The following TENM2 variants were observed in gnomAD, a reference collection of about 807,000 sequenced individuals.
TENM2 encodes teneurin transmembrane protein 2, also known as teneurin-2.
TENM2 carries 52 observed loss-of-function variants against 245.2 expected under a neutral mutation model. The ratio of observed to expected loss-of-function variants is 0.21; its 90% CI spans 0.17 to 0.27. TENM2 has a LOEUF of 0.27. Among genes scored for constraint, TENM2 ranks in the 10% least tolerant of loss-of-function variants. TENM2 has a pLI of 1.00. For synonymous variants in TENM2, 1,363 were observed against 1,438.9 expected (o/e 0.95, Z 1.19); for missense variants, 3,046 against 3,666.8 (o/e 0.83, Z 4.37).
At chr5:167,608,340 A>C (rs754571560) in intron 2 of TENM2, among the ~76,000 whole-genome samples, 5 of 152,174 alleles carry the variant, frequency 3.3e-5, no homozygotes, top group Non-Finnish European at 5.9e-5. Context: ...TGTCTCCCAA[A>C]CTTTGAGATG....
chr5:167,853,332 T>C (rs115849685), intron 2 of TENM2, among the ~76,000 whole-genome samples: 10,849 of 138,196 alleles, frequency 0.079, 541 homozygotes, highest in African/African-American at 0.13. Flanking sequence ...CGGGCTCTAT[T>C]TGAGAATGTT....
chr5:167,720,215 T>A lies in TENM2; in HGVS notation c.503-155771T>A, dbSNP rs866677531. Among the ~76,000 whole-genome samples, 62 of 152,200 alleles carry A rather than the reference T, an allele frequency of 4.1e-4. 1 individual carries two copies. Among genetic ancestry groups the A allele is most frequent in the African/African-American group, 1.4e-3 (59 of 41,442 alleles). On this transcript the variant is annotated intron_variant, in intron 2 of 28. Coordinates refer to ENST00000518659, the Ensembl canonical transcript of TENM2. ...GTATTTCATATTAATTAGTTTTTGA[T>A]AGAATATTACTAATTACCTACTTGA...
In TENM2 at chr5:167,955,347, C is replaced by T. The variant is rs149346962; in HGVS notation, c.947+2525C>T. On this transcript the variant is annotated intron_variant, in intron 4 of 28. Coordinates refer to ENST00000518659, the Ensembl canonical transcript of TENM2. The stretch of plus-strand genomic sequence containing the variant: ...TTTTCTTGTAAATTTGTTTAAGTTC[C>T]TTGTGGATTCTAGATATTAGCCCTT... Among the ~76,000 whole-genome samples, 1,447 of 151,664 alleles carry T rather than the reference C, an allele frequency of 9.5e-3. 26 individuals carry two copies. Among genetic ancestry groups the T allele is most frequent in the African/African-American group, 0.033 (1,370 of 41,198 alleles).
At chr5:168,159,714 A>C (rs1460074300) in intron 12 of TENM2, among the ~76,000 whole-genome samples, 1 of 152,224 alleles carries the variant, frequency 6.6e-6, no homozygotes, top group African/African-American at 2.4e-5. Flanking sequence ...AGCTGCCCTG[A>C]AACTTCTCAG....
At chr5:167,871,844 C>A (rs1263583720) in intron 2 of TENM2, among the ~76,000 whole-genome samples, 1 of 152,098 alleles carries the variant, frequency 6.6e-6, no homozygotes, top group African/African-American at 2.4e-5. Context: ...TGTAAGAAAT[C>A]AAAATTTATA....
intron 1 of TENM2, among the ~76,000 whole-genome samples, chr5:167,310,141 G>A (rs1470382924): frequency 6.6e-6 from 1 of 152,252 alleles, no homozygotes; most frequent in Non-Finnish European, 1.5e-5. Context: ...CTGATGAGAT[G>A]TGAGCACTGA....
intron 2 of TENM2, among the ~76,000 whole-genome samples, chr5:167,802,702 G>A (rs1765871250): frequency 6.6e-6 from 1 of 152,110 alleles, no homozygotes; most frequent in Admixed American, 6.5e-5. Flanking sequence ...TTTCTTTGCA[G>A]CTTCTACTAG....
intron 2 of TENM2, among the ~76,000 whole-genome samples, chr5:167,590,894 C>T (rs1273990775): frequency 6.6e-6 from 1 of 152,094 alleles, no homozygotes; most frequent in Non-Finnish European, 1.5e-5. Context: ...GAAATTTCTC[C>T]CACATCTACT....
intron 15 of TENM2, among the ~76,000 whole-genome samples, chr5:168,195,964 AAAG>A (rs1343812269): frequency 2.6e-5 from 4 of 152,278 alleles, no homozygotes; most frequent in East Asian, 1.9e-4. Flanking sequence ...GTAGAAATTT[AAAG>A]AAGAAGAAAA....
At chr5:168,170,934 C>G (rs771724427) in intron 13 of TENM2, among the ~76,000 whole-genome samples, 60 of 152,280 alleles carry the variant, frequency 3.9e-4, no homozygotes, top group Non-Finnish European at 6.5e-4. Flanking sequence ...CTCTGTATAT[C>G]CCCTGCCTTG....
At chr5:167,294,259 T>C (rs950599607) in intron 1 of TENM2, 2 of 152,152 alleles carry the variant, frequency 1.3e-5, no homozygotes, top group African/African-American at 4.8e-5. Context: ...ACCTTTTGAA[T>C]TGGAGGTATC....
At chr5:166,992,647 A>G in the TENM2 span, among the ~76,000 whole-genome samples, 1 of 152,158 alleles carries the variant, frequency 6.6e-6, no homozygotes, top group Non-Finnish European at 1.5e-5. Flanking sequence ...CTTTCTTCTC[A>G]ATCTAAAATG....
chr5:167,001,353 A>G, the TENM2 span, among the ~76,000 whole-genome samples: 1 of 152,074 alleles, frequency 6.6e-6, no homozygotes, highest in East Asian at 1.9e-4. Context: ...TAAGGCATTC[A>G]TATTTCATGT....
the TENM2 span, among the ~76,000 whole-genome samples, chr5:167,273,419 TA>T: frequency 6.6e-6 from 1 of 152,160 alleles, no homozygotes; most frequent in African/African-American, 2.4e-5. Context: ...AATTACTTTT[TA>T]AAAACAGTCT....
At chr5:168,226,395 T>C (rs1721484423) in intron 24 of TENM2, 132 bp downstream of exon 26, 1 of 727,658 alleles carries the variant, frequency 1.4e-6, no homozygotes, top group Middle Eastern at 2.6e-4. Flanking sequence ...TTCTATTTTA[T>C]TCAAGTGTCC....
intron 2 of TENM2, among the ~76,000 whole-genome samples, chr5:167,821,487 T>C (rs542904300): frequency 6.6e-6 from 1 of 152,226 alleles, no homozygotes; most frequent in South Asian, 2.1e-4. Flanking sequence ...GGGGGATGGT[T>C]CTCTGTTGTT....
At chr5:167,328,054 C>T (rs898529923) in intron 1 of TENM2, among the ~76,000 whole-genome samples, 2 of 152,048 alleles carry the variant, frequency 1.3e-5, no homozygotes, top group Admixed American at 6.5e-5. Context: ...TGGAATGGTG[C>T]ACCTTCTGTC....
the TENM2 span, among the ~76,000 whole-genome samples, chr5:167,090,907 A>G: frequency 6.6e-6 from 1 of 152,184 alleles, no homozygotes; most frequent in Non-Finnish European, 1.5e-5. Context: ...ATGAAACCCC[A>G]GTCACCCTCT....
intron 2 of TENM2, among the ~76,000 whole-genome samples, chr5:167,701,905 T>A (rs1229346862): frequency 6.6e-6 from 1 of 152,356 alleles, no homozygotes; most frequent in Non-Finnish European, 1.5e-5. Flanking sequence ...ATACTAAAAG[T>A]AAATATGTCT....
Sources: gnomAD v4.1 joint callset for allele counts (sites outside exome capture counted in the v4.1 genomes callset) on GRCh38, gnomAD v4.1.1 for gene constraint, MANE v1.5 for transcripts, NCBI Gene and HGNC (gene_info 2026-07-23, HGNC 2026-07-21) for gene names.